CLHC1: variants seen among roughly 807,000 people sequenced by gnomAD.
The protein encoded by CLHC1 is clathrin heavy chain linker domain-containing protein 1.
A neutral mutation model predicts 69.5 loss-of-function variants in CLHC1; 72 were observed. That is an observed-to-expected ratio of 1.04 (90% confidence interval 0.86 to 1.26). CLHC1 has a LOEUF of 1.26. Among genes scored for constraint, CLHC1 ranks in the 50% most tolerant of loss-of-function variants. The pLI is 0.00. For missense variants in CLHC1, 790 were observed against 679.3 expected, an observed-to-expected ratio of 1.16 and a Z score of -1.81; for synonymous variants, 223 against 224.3, an observed-to-expected ratio of 0.99 and a Z score of 0.05.
In CLHC1 at chr2:55,197,469, C is replaced by A. The variant is rs1671536314; in HGVS notation, c.1006+8801G>T. ...TGACCACAGTGGTGCTTGTGTTCCA[C>A]CCCTTCTCCAGCTCCAGGCAGCTCA... is the stretch of plus-strand genomic sequence containing the variant. On this transcript the variant is annotated intron_variant, in intron 9 of 12. Transcript: ENST00000401408. Among the ~76,000 whole-genome samples, 3 of 152,208 alleles carry A rather than the reference C, an allele frequency of 2.0e-5. No individual in the cohort carries two copies. In the East Asian group the frequency reaches 5.8e-4, roughly 29 times the overall value.
chr2:55,223,741 C>T (rs1674404238), intron 2 of CLHC1, among the ~76,000 whole-genome samples: 1 of 152,094 alleles, frequency 6.6e-6, no homozygotes, highest in African/African-American at 2.4e-5. Flanking sequence ...CCTAGGACGC[C>T]CCGGTGTTCA....
At chr2:55,230,016 G>A (rs1445184734) in intron 1 of CLHC1, among the ~76,000 whole-genome samples, 1 of 152,222 alleles carries the variant, frequency 6.6e-6, no homozygotes, top group Non-Finnish European at 1.5e-5. Context: ...AGTTTGCGGT[G>A]AGCCAAGATT....
At chr2:55,208,940 G>A (rs770305789) in intron 7 of CLHC1, among the ~76,000 whole-genome samples, 2 of 138,208 alleles carry the variant, frequency 1.4e-5, no homozygotes, top group Admixed American at 8.0e-5. Flanking sequence ...GCCCTATCTT[G>A]GCTCACTGCA....
Position 55,177,765 on chromosome 2 carries a change from T to G in CLHC1, c.1401A>C (p.Leu467=). The change falls in exon 12 of 13, where the codon CTA becomes CTC. Residue 467 remains leucine (L), a synonymous_variant. Transcript: ENST00000401408. ...KDFTTDDLLQ[L]LMSCPQVELI... is the part of the protein sequence containing the mutation. ...ATTCAACTTGGGGACATGACATTAATAGCTGCAACAGGTCATCTGAAGGCA... is the reference window on the plus strand; with the variant it reads ...ATTCAACTTGGGGACATGACATTAAGAGCTGCAACAGGTCATCTGAAGGCA... The G allele has an allele frequency of 6.2e-7, 1 of 1,608,560 alleles. No homozygotes were observed.
At chr2:55,192,662 G>A (rs1375038362) in intron 9 of CLHC1, among the ~76,000 whole-genome samples, 1 of 152,052 alleles carries the variant, frequency 6.6e-6, no homozygotes, top group African/African-American at 2.4e-5. Flanking sequence ...TGAAAGTCAA[G>A]AAATAAACTC....
At chr2:55,224,616 G>A (rs1573785963) in intron 2 of CLHC1, 1 of 256,580 alleles carries the variant, frequency 3.9e-6, no homozygotes, top group East Asian at 1.1e-4. Context: ...AGGGCGGGAG[G>A]AACCCCCGCA....
chr2:55,231,050 G>A (rs1675271849), intron 1 of CLHC1, among the ~76,000 whole-genome samples: 1 of 152,144 alleles, frequency 6.6e-6, no homozygotes, highest in South Asian at 2.1e-4. Flanking sequence ...AGGAGCTAGA[G>A]AACAGCCTGG....
At chr2:55,222,084 G>T in intron 3 of CLHC1, 151 bp downstream of exon 3, 1 of 601,990 alleles carries the variant, frequency 1.7e-6, no homozygotes. Flanking sequence ...TCCCATTCAT[G>T]CCTTTCTGAG....
chr2:55,199,190 G>A (rs1558476891), intron 9 of CLHC1, among the ~76,000 whole-genome samples: 1 of 149,440 alleles, frequency 6.7e-6, no homozygotes, highest in South Asian at 2.1e-4. Flanking sequence ...CCATCTATTT[G>A]GGAGGCTGAG....
chr2:55,206,615 T>G (rs1378866576), intron 8 of CLHC1, among the ~76,000 whole-genome samples: 1 of 152,152 alleles, frequency 6.6e-6, no homozygotes, highest in Non-Finnish European at 1.5e-5. Flanking sequence ...GCTAGCTGAC[T>G]TTGAACATGA....
intron 4 of CLHC1, 60 bp downstream of exon 4, chr2:55,217,751 G>C (rs1673718420): frequency 3.2e-5 from 34 of 1,069,082 alleles, no homozygotes; most frequent in Non-Finnish European, 3.9e-5. Flanking sequence ...AGTTACACTG[G>C]CTAGTTATTA....
chr2:55,191,526 GC>G (rs1454710676), intron 9 of CLHC1, among the ~76,000 whole-genome samples: 1 of 152,108 alleles, frequency 6.6e-6, no homozygotes, highest in Non-Finnish European at 1.5e-5. Flanking sequence ...GAGCCACTGC[GC>G]CCAGCCAGAA....
chr2:55,216,437 T>C (rs1673514405), intron 4 of CLHC1, among the ~76,000 whole-genome samples: 1 of 152,186 alleles, frequency 6.6e-6, no homozygotes, highest in Non-Finnish European at 1.5e-5. Context: ...CAGGATTAAG[T>C]GCTCTAATTC....
intron 9 of CLHC1, among the ~76,000 whole-genome samples, chr2:55,193,476 G>A (rs924772372): frequency 1.7e-4 from 26 of 152,198 alleles, no homozygotes; most frequent in South Asian, 4.1e-4. Context: ...ATTTACAAAT[G>A]AGCAAAGGAC....
At chr2:55,212,050 G>A (rs1262812577) in intron 5 of CLHC1, among the ~76,000 whole-genome samples, 1 of 152,204 alleles carries the variant, frequency 6.6e-6, no homozygotes, top group African/African-American at 2.4e-5. Context: ...GCTGAGGCGG[G>A]TGGATCGCTT....
chr2:55,224,508 G>A, intron 2 of CLHC1: 1 of 341,314 alleles, frequency 2.9e-6, no homozygotes, highest in South Asian at 2.3e-5. Context: ...CAGTGTACTC[G>A]GAGTGATCCT....
chr2:55,181,415 C>T (rs1669921443), intron 10 of CLHC1, among the ~76,000 whole-genome samples, 155 bp downstream of exon 10: 1 of 152,200 alleles, frequency 6.6e-6, no homozygotes, highest in Admixed American at 6.5e-5. Context: ...AGGCATGAGC[C>T]ACCACACCCG....
chr2:55,186,526 G>A (rs865932297), intron 9 of CLHC1, among the ~76,000 whole-genome samples: 4 of 152,132 alleles, frequency 2.6e-5, no homozygotes, highest in Non-Finnish European at 5.9e-5. Context: ...GGCCAAGGTG[G>A]GAGGAATGCT....
At chr2:55,202,283 C>A (rs570432649) in intron 9 of CLHC1, among the ~76,000 whole-genome samples, 6 of 148,894 alleles carry the variant, frequency 4.0e-5, no homozygotes, top group Non-Finnish European at 7.4e-5. Flanking sequence ...TAGCTGGGTG[C>A]GGTGGCTCAT....
Sources: allele counts gnomAD v4.1 joint callset (sites outside exome capture counted in the v4.1 genomes callset), GRCh38; gene constraint gnomAD v4.1.1; transcripts MANE v1.5; gene names NCBI Gene and HGNC (gene_info 2026-07-23, HGNC 2026-07-21).